Variants in VAV3 observed in about 807,000 individuals in gnomAD.
The protein encoded by VAV3 is vav guanine nucleotide exchange factor 3.
VAV3 carries 94 observed loss-of-function variants against 131.2 expected under a neutral mutation model. The observed-to-expected ratio is 0.72, with a 90% CI of 0.61 to 0.85. The LOEUF is 0.85. Among genes scored for constraint, VAV3 ranks in the 40% least tolerant of loss-of-function variants. The pLI, the probability that VAV3 is intolerant of heterozygous loss-of-function variation, is 0.00. For synonymous variants in VAV3, 349 were observed against 342.0 expected, an observed-to-expected ratio of 1.02 and a Z score of -0.22; for missense variants, 939 against 1,002.7, an observed-to-expected ratio of 0.94 and a Z score of 0.86.
rs562874323 is a variant in VAV3, at chr1:107,916,380, C to T, written c.205-41363G>A. ...CTTAAAAAGAAACATATACCTGAAG[C>T]ATAACGTACAAATCTGGTTTCAAAT... On this transcript the variant is annotated intron_variant, in intron 1 of 26. Coordinates refer to ENST00000370056, the MANE Select transcript of VAV3 (RefSeq NM_006113.5). Among the ~76,000 whole-genome samples, 15 of 152,208 alleles carry T rather than the reference C, an allele frequency of 9.9e-5. No homozygotes were observed. In the South Asian group the frequency reaches 1.9e-3, roughly 19 times the overall value.
intron 1 of VAV3, among the ~76,000 whole-genome samples, chr1:107,922,293 G>GTA (rs1672935376): frequency 1.1e-4 from 1 of 9,178 alleles, no homozygotes; most frequent in African/African-American, 1.3e-4. Flanking sequence ...GTCTTGTTTT[G>GTA]TGTCAGTATC....
intron 2 of VAV3, among the ~76,000 whole-genome samples, chr1:107,833,767 A>G (rs1006607760): frequency 1.3e-5 from 2 of 152,236 alleles, no homozygotes; most frequent in African/African-American, 4.8e-5. Context: ...TTGTGAAGCT[A>G]GCAAAGGTCT....
chr1:107,816,189 T>C (rs946026983), intron 2 of VAV3, among the ~76,000 whole-genome samples: 2 of 152,122 alleles, frequency 1.3e-5, no homozygotes, highest in Admixed American at 6.5e-5. Flanking sequence ...CAATGTGATG[T>C]ATAAACAAAA....
intron 20 of VAV3, among the ~76,000 whole-genome samples, chr1:107,631,675 T>TG (rs1654501847): frequency 7.5e-6 from 1 of 132,536 alleles, no homozygotes; most frequent in Admixed American, 8.9e-5. Flanking sequence ...CCCCTTCCTG[T>TG]GTCCATGTGT....
At chr1:107,700,364 G>A (rs190469479) in intron 17 of VAV3, among the ~76,000 whole-genome samples, 10 of 152,276 alleles carry the variant, frequency 6.6e-5, no homozygotes, top group African/African-American at 2.2e-4. Context: ...ATAGGTAAAC[G>A]CGTGCCATGG....
chr1:107,755,141 G>A (rs1182934483), intron 12 of VAV3, among the ~76,000 whole-genome samples: 1 of 152,000 alleles, frequency 6.6e-6, no homozygotes, highest in African/African-American at 2.4e-5. Flanking sequence ...AGGGGGATGA[G>A]GGAAAGAAAA....
chr1:107,848,700 A>T (rs115827016), intron 2 of VAV3, among the ~76,000 whole-genome samples: 20 of 151,928 alleles, frequency 1.3e-4, no homozygotes, highest in Admixed American at 1.3e-3. Context: ...TCCTATTCAA[A>T]GCAATATTGG....
chr1:107,753,549 T>TATATATATATATATATACACACACAC (rs771773884), intron 12 of VAV3, among the ~76,000 whole-genome samples: 128 of 81,008 alleles, frequency 1.6e-3, no homozygotes, highest in Non-Finnish European at 2.3e-3. Flanking sequence ...TATATATATA[T>TATATATATATATATATACACACACAC]ACACACACAC....
chr1:107,906,918 G>A (rs1367054481), intron 1 of VAV3, among the ~76,000 whole-genome samples: 1 of 152,108 alleles, frequency 6.6e-6, no homozygotes, highest in Non-Finnish European at 1.5e-5. Flanking sequence ...TTTAGCAGAA[G>A]TTCTTAGGCT....
intron 2 of VAV3, among the ~76,000 whole-genome samples, chr1:107,871,746 A>C (rs1483838793): frequency 1.3e-5 from 2 of 152,200 alleles, no homozygotes; most frequent in African/African-American, 4.8e-5. Context: ...AAACACATCC[A>C]TATCAAGCCT....
At chr1:107,741,504 G>A (rs1236586003) in intron 15 of VAV3, among the ~76,000 whole-genome samples, 3 of 152,146 alleles carry the variant, frequency 2.0e-5, no homozygotes, top group Admixed American at 6.5e-5. Context: ...TGAAACAGCC[G>A]AGGGAACACA....
intron 1 of VAV3, among the ~76,000 whole-genome samples, chr1:107,890,355 G>C (rs1450713659): frequency 6.6e-6 from 1 of 152,054 alleles, no homozygotes; most frequent in Non-Finnish European, 1.5e-5. Context: ...TACTAACCAG[G>C]TTGAAGTATA....
chr1:107,884,187 C>T (rs991501917), intron 1 of VAV3, among the ~76,000 whole-genome samples: 3 of 149,840 alleles, frequency 2.0e-5, no homozygotes, highest in African/African-American at 7.4e-5. Flanking sequence ...ATTTGTACAA[C>T]AGGCAGACTA....
chr1:107,576,456 G>C lies in VAV3; in HGVS notation c.2351-2258C>G, dbSNP rs115964684. The C allele has an allele frequency of 2.6e-3, 3,873 of 1,517,424 alleles. 93 individuals are homozygous for C. The African/African-American group carries it at 0.049, about 19-fold the overall frequency. 94.0% of individuals were successfully genotyped at this position (1,517,424 alleles called of 1,614,324 possible). On this transcript the variant is annotated intron_variant, in intron 25 of 26. Coordinates refer to ENST00000370056, the MANE Select transcript of VAV3 (RefSeq NM_006113.5). Reference sequence around the variant, plus strand: ...AGTCTGGAGGAGTTACAAAAGAAAAGCCACAGAACAAAGAGGGGGCTTTGA... The same window carrying C: ...AGTCTGGAGGAGTTACAAAAGAAAACCCACAGAACAAAGAGGGGGCTTTGA...
intron 19 of VAV3, among the ~76,000 whole-genome samples, chr1:107,653,135 T>C (rs528310223): frequency 2.0e-5 from 3 of 151,886 alleles, no homozygotes; most frequent in African/African-American, 7.2e-5. Context: ...ACAGGGTTTA[T>C]TGATTTATAA....
intron 15 of VAV3, among the ~76,000 whole-genome samples, chr1:107,708,340 G>A (rs1189859465): frequency 1.3e-5 from 2 of 152,222 alleles, no homozygotes; most frequent in Non-Finnish European, 2.9e-5. Flanking sequence ...GCTCAGTCAT[G>A]CTGATACACA....
chr1:107,772,668 T>A, intron 5 of VAV3, 67 bp downstream of exon 5: 1 of 1,338,450 alleles, frequency 7.5e-7, no homozygotes, highest in South Asian at 1.3e-5. Context: ...TTACATAAAT[T>A]ATTATGTTAA....
intron 12 of VAV3, among the ~76,000 whole-genome samples, chr1:107,752,132 C>T (rs757016959): frequency 6.6e-6 from 1 of 152,108 alleles, no homozygotes; most frequent in Non-Finnish European, 1.5e-5. Flanking sequence ...GCGGCACTGG[C>T]ATACAAACAG....
At chr1:107,931,487 C>T (rs1191178290) in intron 1 of VAV3, among the ~76,000 whole-genome samples, 1 of 152,100 alleles carries the variant, frequency 6.6e-6, no homozygotes, top group Admixed American at 6.5e-5. Context: ...ACCTAGATAA[C>T]CGTTGAATCC....
Sources: gnomAD v4.1 joint callset for allele counts (sites outside exome capture counted in the v4.1 genomes callset) on GRCh38, gnomAD v4.1.1 for gene constraint, MANE v1.5 for transcripts, NCBI Gene and HGNC (gene_info 2026-07-23, HGNC 2026-07-21) for gene names.